The following BCAR3 variants were observed in gnomAD, a reference collection of about 807,000 sequenced individuals.
BCAR3 encodes breast cancer anti-estrogen resistance protein 3.
BCAR3 carries 37 observed loss-of-function variants against 80.1 expected under a neutral mutation model. That is an observed-to-expected ratio of 0.46 (90% confidence interval 0.36 to 0.61). The LOEUF is 0.61. Ranked by LOEUF, BCAR3 falls within the 20% of genes least tolerant of loss-of-function variation. The pLI is 0.00. For missense variants in BCAR3, 978 were observed against 1,068.2 expected (o/e 0.92, Z 1.18); for synonymous variants, 389 against 418.9 (o/e 0.93, Z 0.87).
chr1:93,617,401 A>T (rs1275985572), intron 3 of BCAR3, among the ~76,000 whole-genome samples: 1 of 152,128 alleles, frequency 6.6e-6, no homozygotes, highest in Non-Finnish European at 1.5e-5. Flanking sequence ...AAAGCAGCCC[A>T]GAATCAGGGC....
intron 2 of BCAR3, among the ~76,000 whole-genome samples, chr1:93,657,981 T>C (rs1012941954): frequency 2.6e-5 from 4 of 151,710 alleles, no homozygotes; most frequent in African/African-American, 9.7e-5. Context: ...AGTCTTCCTC[T>C]GTCACCAGGA....
intron 2 of BCAR3, among the ~76,000 whole-genome samples, chr1:93,825,543 G>C (rs1654343258): frequency 7.5e-6 from 1 of 133,762 alleles, no homozygotes; most frequent in African/African-American, 2.5e-5. Context: ...TTTGTGGAAA[G>C]GAAACAGGTC....
At chr1:93,798,410 GT>G (rs1653357407) in intron 2 of BCAR3, among the ~76,000 whole-genome samples, 1 of 151,978 alleles carries the variant, frequency 6.6e-6, no homozygotes. Flanking sequence ...AGGGAGTCAT[GT>G]TTGGAATGTC....
intron 3 of BCAR3, chr1:93,602,016 G>A (rs2101867339): frequency 6.6e-6 from 1 of 152,314 alleles, no homozygotes; most frequent in Middle Eastern, 3.4e-3. Flanking sequence ...CACAGGTTGG[G>A]ATTTTCTAGA....
intron 3 of BCAR3, among the ~76,000 whole-genome samples, chr1:93,697,335 G>A (rs1199710853): frequency 6.6e-6 from 1 of 152,256 alleles, no homozygotes; most frequent in Non-Finnish European, 1.5e-5. Flanking sequence ...CCAGCTGGGA[G>A]GGAGGGCGTA....
chr1:93,669,226 C>T (rs1169419748), intron 2 of BCAR3, among the ~76,000 whole-genome samples: 1 of 152,072 alleles, frequency 6.6e-6, no homozygotes, highest in African/African-American at 2.4e-5. Context: ...AAAGAGAAGG[C>T]AGTAGTTACA....
At chr1:93,663,882 T>C (rs1647775807) in intron 2 of BCAR3, among the ~76,000 whole-genome samples, 1 of 152,216 alleles carries the variant, frequency 6.6e-6, no homozygotes, top group Non-Finnish European at 1.5e-5. Context: ...CACATACCTC[T>C]TCCTCCTTTG....
chr1:93,749,344 T>C (rs1369856250), intron 2 of BCAR3, among the ~76,000 whole-genome samples: 2 of 151,900 alleles, frequency 1.3e-5, no homozygotes, highest in Non-Finnish European at 2.9e-5. Flanking sequence ...ATCCCAGCAC[T>C]TTGGGAGGCC....
At chr1:93,720,655 G>A (rs1435607461) in intron 2 of BCAR3, among the ~76,000 whole-genome samples, 2 of 152,198 alleles carry the variant, frequency 1.3e-5, no homozygotes, top group Non-Finnish European at 2.9e-5. Flanking sequence ...TGTTCCTTGT[G>A]TGTTTGTTTT....
chr1:93,668,431 C>A (rs927911661), intron 2 of BCAR3, among the ~76,000 whole-genome samples: 2 of 152,176 alleles, frequency 1.3e-5, no homozygotes, highest in Non-Finnish European at 2.9e-5. Context: ...CACCTCTGAC[C>A]CAGCTGCTCC....
At chr1:93,716,964 T>C (rs1436104761) in intron 2 of BCAR3, among the ~76,000 whole-genome samples, 1 of 152,158 alleles carries the variant, frequency 6.6e-6, no homozygotes, top group African/African-American at 2.4e-5. Context: ...CCACAACACT[T>C]TGCAGTTCTA....
In BCAR3 at chr1:93,589,425, G is replaced by A. The variant is rs764338416; in HGVS notation, c.487-6C>T. Reference sequence around the variant, plus strand: ...TGCACAAGGTTTTCAGACACCTTTGGGACAAAAAGGTGAGTGAGGAGTAGG... The same window carrying A: ...TGCACAAGGTTTTCAGACACCTTTGAGACAAAAAGGTGAGTGAGGAGTAGG... On this transcript the variant is annotated splice_polypyrimidine_tract_variant and splice_region_variant and intron_variant, in intron 4 of 11. Coordinates refer to ENST00000260502, the MANE Select transcript of BCAR3 (RefSeq NM_003567.4). The A allele has an allele frequency of 1.2e-6, 2 of 1,603,708 alleles. No homozygotes were observed. The highest frequency in any genetic ancestry group is 8.5e-7 in the Non-Finnish European group (1 of 1,177,064).
intron 2 of BCAR3, among the ~76,000 whole-genome samples, chr1:93,770,467 A>G (rs1046601893): frequency 6.6e-6 from 1 of 152,104 alleles, no homozygotes; most frequent in Non-Finnish European, 1.5e-5. Flanking sequence ...TTGGGGTTCC[A>G]GTGACTCTAC....
At chr1:93,684,624 A>C (rs956312029), upstream of BCAR3, among the ~76,000 whole-genome samples, 2 of 152,272 alleles carry the variant, frequency 1.3e-5, no homozygotes, top group Admixed American at 1.3e-4. Context: ...AAGGTTAAGT[A>C]ACTTCAACCA....
intron 2 of BCAR3, among the ~76,000 whole-genome samples, chr1:93,733,336 T>TC (rs1650860223): frequency 6.6e-6 from 1 of 151,782 alleles, no homozygotes; most frequent in Non-Finnish European, 1.5e-5. Context: ...TTTTTGTATG[T>TC]CCCCCCACCC....
intron 2 of BCAR3, among the ~76,000 whole-genome samples, chr1:93,707,383 T>C (rs1002481985): frequency 6.6e-6 from 1 of 152,130 alleles, no homozygotes; most frequent in East Asian, 1.9e-4. Context: ...GCAGTAGATA[T>C]GCAAAATCCG....
intron 2 of BCAR3, among the ~76,000 whole-genome samples, chr1:93,825,054 A>G (rs115289869): frequency 0.015 from 2,021 of 132,692 alleles, 240 homozygotes; most frequent in African/African-American, 0.049. Context: ...GCGTACAGAG[A>G]CCCCCTCAGT....
chr1:93,793,273 C>T (rs1653178820), intron 2 of BCAR3, among the ~76,000 whole-genome samples: 1 of 58,942 alleles, frequency 1.7e-5, no homozygotes, highest in Admixed American at 2.0e-4. Flanking sequence ...GGCTGTGAAT[C>T]CATCTGGTCC....
At chr1:93,802,448 A>G (rs1653514689) in intron 2 of BCAR3, among the ~76,000 whole-genome samples, 1 of 152,234 alleles carries the variant, frequency 6.6e-6, no homozygotes, top group Non-Finnish European at 1.5e-5. Context: ...ATAATTTCTT[A>G]CAGCTAGACT....
Sources: allele counts gnomAD v4.1 joint callset (sites outside exome capture counted in the v4.1 genomes callset), GRCh38; gene constraint gnomAD v4.1.1; transcripts MANE v1.5; gene names NCBI Gene and HGNC (gene_info 2026-07-23, HGNC 2026-07-21).